MYZAP: variants seen among roughly 807,000 people sequenced by gnomAD.
The protein encoded by MYZAP is myocardial zonula adherens protein.
Under a neutral mutation model 69.4 loss-of-function variants are expected in MYZAP, and 66 were observed. The observed-to-expected ratio is 0.95, with a 90% CI of 0.78 to 1.17. The LOEUF (loss-of-function observed/expected upper bound fraction) is 1.17. Among genes scored for constraint, MYZAP ranks in the 50% most tolerant of loss-of-function variants. The pLI, the probability that MYZAP is intolerant of heterozygous loss-of-function variation, is 0.00. For synonymous variants in MYZAP, 256 were observed against 205.9 expected (o/e 1.24, Z -2.09); for missense variants, 611 against 556.2 (o/e 1.10, Z -0.99).
chr15:57,619,588 G>A (rs554638184), intron 3 of MYZAP, among the ~76,000 whole-genome samples: 51 of 152,204 alleles, frequency 3.4e-4, no homozygotes, highest in Non-Finnish European at 3.2e-4. Context: ...CTGGACTTAA[G>A]TGAACCTCCC....
At chr15:57,599,506 C>G in intron 1 of MYZAP, 1 of 1,209,686 alleles carries the variant, frequency 8.3e-7, no homozygotes, top group East Asian at 5.8e-5. Context: ...ACAGCTGGTT[C>G]GGTAGCAGTG....
chr15:57,629,864 A>T lies in MYZAP; in HGVS notation c.678+10A>T. ...GCTGCTAAAAATGAAGGTGGAGTAT[A>T]AAAGCCTAGATTTATTTTCTATGAA... is the stretch of plus-strand genomic sequence containing the variant. On this transcript the variant is annotated intron_variant, in intron 6 of 12. Transcript: ENST00000267853. 6.2e-7 allele frequency: 1 copy of T among 1,611,090 alleles called. No individual in the cohort carries two copies. Among genetic ancestry groups the T allele is most frequent in the African/African-American group, 1.3e-5 (1 of 74,734 alleles).
intron 10 of MYZAP, among the ~76,000 whole-genome samples, chr15:57,649,031 T>C (rs1405645031): frequency 6.6e-6 from 1 of 152,098 alleles, no homozygotes; most frequent in African/African-American, 2.4e-5. Flanking sequence ...AATTGTATTG[T>C]ACATATTTTG....
At chr15:57,600,760 A>G (rs2034356757) in intron 1 of MYZAP, among the ~76,000 whole-genome samples, 1 of 152,204 alleles carries the variant, frequency 6.6e-6, no homozygotes, top group African/African-American at 2.4e-5. Flanking sequence ...TTTGAAGCAT[A>G]TAGGATGATG....
chr15:57,667,506 CTT>C (rs1301290793), intron 11 of MYZAP, among the ~76,000 whole-genome samples: 1 of 152,132 alleles, frequency 6.6e-6, no homozygotes, highest in Admixed American at 6.6e-5. Flanking sequence ...CAGAAGCAAT[CTT>C]TTTTGTAGCA....
intron 4 of MYZAP, among the ~76,000 whole-genome samples, chr15:57,624,068 A>T (rs1320638470): frequency 6.6e-6 from 1 of 152,224 alleles, no homozygotes; most frequent in East Asian, 1.9e-4. Context: ...TTATAAAAAT[A>T]TAAAAGTAAC....
At chr15:57,621,205 C>CTTTTTTTT (rs61201214) in intron 3 of MYZAP, among the ~76,000 whole-genome samples, 191 of 127,266 alleles carry the variant, frequency 1.5e-3, no homozygotes, top group East Asian at 2.7e-3. Flanking sequence ...CTTTCTTTTT[C>CTTTTTTTT]TTTTTTTTTT....
At chr15:57,607,977 G>A (rs2034863692) in intron 2 of MYZAP, among the ~76,000 whole-genome samples, 1 of 152,218 alleles carries the variant, frequency 6.6e-6, no homozygotes, top group Non-Finnish European at 1.5e-5. Context: ...CCATGGAATT[G>A]CAAGAGGCCA....
rs1306373042 is a variant in MYZAP, at chr15:57,637,572, A to T, written c.934-123A>T. ...GAGCCTTGTTTGGGCTTTGCTGAGCAGGTGTGTAAAACCCAGGGGGTGTCA... is the reference window on the plus strand; with the variant it reads ...GAGCCTTGTTTGGGCTTTGCTGAGCTGGTGTGTAAAACCCAGGGGGTGTCA... On this transcript the variant is annotated intron_variant, in intron 8 of 12. Coordinates refer to ENST00000267853, the MANE Select transcript of MYZAP (RefSeq NM_001018100.5). 10 of 931,976 alleles carry T rather than the reference A, an allele frequency of 1.1e-5. No individual in the cohort carries two copies. In the Admixed American group the frequency reaches 1.8e-4, roughly 17 times the overall value. The allele number at this position is 931,976 out of a possible 1,614,324, so 57.7% of individuals were successfully genotyped here.
At chr15:57,644,070 A>G (rs1196950327) in intron 10 of MYZAP, among the ~76,000 whole-genome samples, 1 of 152,256 alleles carries the variant, frequency 6.6e-6, no homozygotes, top group African/African-American at 2.4e-5. Flanking sequence ...AACCTGGCAG[A>G]TGGGATGGAG....
chr15:57,609,302 G>A (rs941512854), intron 2 of MYZAP, among the ~76,000 whole-genome samples: 1 of 152,180 alleles, frequency 6.6e-6, no homozygotes, highest in Non-Finnish European at 1.5e-5. Context: ...TTCAATAACC[G>A]AAAGTATTCT....
chr15:57,633,553 T>C, intron 7 of MYZAP, 60 bp from the exon 8 acceptor site: 1 of 1,550,566 alleles, frequency 6.4e-7, no homozygotes, highest in East Asian at 2.3e-5. Flanking sequence ...GCTGATTGGA[T>C]CCCGGTGAGT....
chr15:57,684,277 C>T, intron 12 of MYZAP, 125 bp from the exon 13 acceptor site: 1 of 661,938 alleles, frequency 1.5e-6, no homozygotes, highest in Non-Finnish European at 2.7e-6. Context: ...AAATATTAAG[C>T]TGCATTATTG....
chr15:57,659,295 T>G (rs556006610), intron 10 of MYZAP, among the ~76,000 whole-genome samples: 5 of 152,292 alleles, frequency 3.3e-5, no homozygotes, highest in Admixed American at 2.0e-4. Context: ...AGATGTCCTG[T>G]GTTTTTTTAG....
At chr15:57,665,691 C>T (rs1228848081) in intron 11 of MYZAP, among the ~76,000 whole-genome samples, 3 of 152,126 alleles carry the variant, frequency 2.0e-5, no homozygotes, top group South Asian at 2.1e-4. Flanking sequence ...TTAATGAAAG[C>T]GGAAGACATG....
rs116593237 is a variant in MYZAP, at chr15:57,662,226, C to T, written c.1203+693C>T. ...TCAAAATCTATTTGCTCTAAAGGTT[C>T]TTTATTAGAGCTTGGCATTGAGCCT... is the stretch of plus-strand genomic sequence containing the variant. On this transcript the variant is annotated intron_variant, in intron 11 of 12. Coordinates refer to ENST00000267853, the MANE Select transcript of MYZAP (RefSeq NM_001018100.5). Among the ~76,000 whole-genome samples, 372 of 152,292 alleles carry T rather than the reference C, an allele frequency of 2.4e-3. 2 individuals are homozygous for T. Among genetic ancestry groups the T allele is most frequent in the African/African-American group, 8.4e-3 (350 of 41,564 alleles).
intron 10 of MYZAP, chr15:57,648,578 T>G (rs1255716684): frequency 2.0e-5 from 12 of 586,268 alleles, no homozygotes; most frequent in East Asian, 1.4e-4. Context: ...AAAAAATAAG[T>G]AGCTGGCAGT....
intron 1 of MYZAP, among the ~76,000 whole-genome samples, chr15:57,598,261 G>T (rs1201995564): frequency 6.6e-6 from 1 of 152,114 alleles, no homozygotes. Context: ...CAGGGGCCCT[G>T]AGTTGCCAAA....
intron 7 of MYZAP, among the ~76,000 whole-genome samples, chr15:57,633,356 C>G (rs1197701903): frequency 1.3e-5 from 2 of 152,100 alleles, no homozygotes; most frequent in African/African-American, 4.8e-5. Context: ...CTCTTTTACA[C>G]CTTTTGGATA....
Sources: gnomAD v4.1 joint callset for allele counts (sites outside exome capture counted in the v4.1 genomes callset) on GRCh38, gnomAD v4.1.1 for gene constraint, MANE v1.5 for transcripts, NCBI Gene and HGNC (gene_info 2026-07-23, HGNC 2026-07-21) for gene names.